Variants in GCNT2 observed in about 807,000 individuals in gnomAD.
GCNT2 encodes the protein glucosaminyl (N-acetyl) transferase 2 (I blood group).
In GCNT2, 34 loss-of-function variants were observed where a neutral mutation model predicts 34.2. That is an observed-to-expected ratio of 1.00 (90% confidence interval 0.76 to 1.32). GCNT2 has a LOEUF of 1.32. GCNT2 is among the 40% of genes most tolerant of loss of function. The probability of loss-of-function intolerance (pLI) is 0.00; values close to 1 mark genes in which losing one functional copy is unlikely to be tolerated. For missense variants in GCNT2, 584 were observed against 489.4 expected (o/e 1.19, Z -1.82); for synonymous variants, 212 against 188.0 (o/e 1.13, Z -1.04).
chr6:10,585,070 TG>T lies in GCNT2; in HGVS notation c.926-36280del, dbSNP rs1561818528. On this transcript the variant is annotated intron_variant, in intron 3 of 4. Transcript: ENST00000495262. ...GTGTGTGTGTGTGTGTGTGTGTGTG[TG>T]TGTGTGTGCGCGCTATATTCTGACA... 4.5e-3 allele frequency among the ~76,000 whole-genome samples: 458 copies of T among 101,404 alleles called. 4 individuals are homozygous for T. The highest frequency in any genetic ancestry group is 0.023 in the African/African-American group (442 of 19,072). The allele number at this position is 101,404 out of a possible 152,430, so 66.5% of individuals were successfully genotyped here. A position where few individuals can be genotyped will look rare whatever the true frequency, so the allele number is the denominator to read the frequency against.
chr6:10,613,192 A>T (rs1396637923), intron 3 of GCNT2, among the ~76,000 whole-genome samples: 1 of 152,238 alleles, frequency 6.6e-6, no homozygotes, highest in Non-Finnish European at 1.5e-5. Context: ...ATATAAATAA[A>T]GCTTGCATTT....
chr6:10,529,914 T>A, intron 3 of GCNT2, 78 bp downstream of exon 3: 2 of 1,142,760 alleles, frequency 1.8e-6, no homozygotes, highest in Non-Finnish European at 2.6e-6. Flanking sequence ...TTGAAAAGAG[T>A]GGAAAAAATG....
intron 3 of GCNT2, among the ~76,000 whole-genome samples, chr6:10,569,034 C>T (rs1193835339): frequency 6.6e-6 from 1 of 151,882 alleles, no homozygotes; most frequent in Non-Finnish European, 1.5e-5. Flanking sequence ...ATCGTATTAC[C>T]GCGACTAGAC....
At position 10,586,273 on chromosome 6, in the gene GCNT2, TC is replaced by T. The variant is rs1173175884; in HGVS notation, c.926-35075del. 1.9e-6 allele frequency: 3 copies of T among 1,614,078 alleles called. No individual in the cohort carries two copies. In the African/African-American group the frequency reaches 4.0e-5, roughly 22 times the overall value. On this transcript the variant is annotated intron_variant, in intron 3 of 4. Coordinates refer to ENST00000495262, the MANE Select transcript of GCNT2 (RefSeq NM_145649.5). ...CCCCTGTCGGAAGAAGAGGCTGCATTCCCTTTGGCCTATGTCATGGTCATCC... is the reference window on the plus strand; with the variant it reads ...CCCCTGTCGGAAGAAGAGGCTGCATTCCTTTGGCCTATGTCATGGTCATCC...
intron 3 of GCNT2, among the ~76,000 whole-genome samples, chr6:10,569,909 TTTCC>T (rs1004145521): frequency 1.3e-5 from 2 of 149,278 alleles, no homozygotes; most frequent in African/African-American, 5.0e-5. Context: ...TTCCTTCCTT[TTTCC>T]TTCCTTCCTT....
intron 3 of GCNT2, among the ~76,000 whole-genome samples, chr6:10,592,438 A>G (rs1764690814): frequency 1.3e-5 from 2 of 152,194 alleles, no homozygotes; most frequent in African/African-American, 4.8e-5. Context: ...ATTTTAATTT[A>G]CAATGTATCC....
At chr6:10,620,697 T>C (rs959253622) in intron 3 of GCNT2, among the ~76,000 whole-genome samples, 3 of 152,218 alleles carry the variant, frequency 2.0e-5, no homozygotes, top group Non-Finnish European at 4.4e-5. Flanking sequence ...TCTCTAGTAA[T>C]GATTTATATA....
chr6:10,576,590 G>T (rs1298465230), intron 3 of GCNT2, among the ~76,000 whole-genome samples: 2 of 152,126 alleles, frequency 1.3e-5, no homozygotes, highest in Non-Finnish European at 1.5e-5. Context: ...TTTGAGAGTG[G>T]AATGGAAAGA....
intron 3 of GCNT2, among the ~76,000 whole-genome samples, chr6:10,592,558 G>A (rs1488774391): frequency 6.6e-6 from 1 of 152,102 alleles, no homozygotes; most frequent in Non-Finnish European, 1.5e-5. Context: ...TTATGCTGAC[G>A]CTATAGCCAT....
chr6:10,567,794 C>T (rs994018943), intron 3 of GCNT2, among the ~76,000 whole-genome samples: 6 of 152,186 alleles, frequency 3.9e-5, no homozygotes, highest in African/African-American at 1.4e-4. Context: ...AGAGAATTAT[C>T]AAAGACGGAA....
intron 3 of GCNT2, chr6:10,555,953 G>T (rs552905125): frequency 1.9e-6 from 2 of 1,027,956 alleles, no homozygotes; most frequent in African/African-American, 1.7e-5. Context: ...CCTGCTAGGG[G>T]ACTAGCAGGA....
At chr6:10,624,476 G>T (rs1766177685) in intron 4 of GCNT2, among the ~76,000 whole-genome samples, 1 of 152,028 alleles carries the variant, frequency 6.6e-6, no homozygotes, top group Admixed American at 6.6e-5. Flanking sequence ...GGGGGAAACT[G>T]CCCCCCACGA....
At chr6:10,611,550 C>T (rs934600562) in intron 3 of GCNT2, among the ~76,000 whole-genome samples, 3 of 151,906 alleles carry the variant, frequency 2.0e-5, no homozygotes, top group South Asian at 4.1e-4. Flanking sequence ...AGGATGGTCT[C>T]GATCTCTTGA....
At chr6:10,569,275 C>CACACACACACACACACACACACACT (rs1491437125) in intron 3 of GCNT2, among the ~76,000 whole-genome samples, 1 of 101,332 alleles carries the variant, frequency 9.9e-6, no homozygotes, top group Admixed American at 1.1e-4. Context: ...ACACACACAC[C>CACACACACACACACACACACACACT]CCCTAGGTAA....
chr6:10,528,648 G>C lies in GCNT2; in HGVS notation c.-264G>C. Reference sequence around the variant, plus strand: ...TTGTGTAGACACAGGTTGCAGGTTAGCAGGAGAACAGGCAAGCCAAATGCA... The same window carrying C: ...TTGTGTAGACACAGGTTGCAGGTTACCAGGAGAACAGGCAAGCCAAATGCA... On this transcript the variant is annotated 5_prime_UTR_variant, in exon 3 of 5. Transcript: ENST00000495262. The C allele has an allele frequency of 7.6e-6, 4 of 527,862 alleles. No homozygotes were observed. Among genetic ancestry groups the C allele is most frequent in the Non-Finnish European group, 1.4e-5 (4 of 293,296 alleles). The allele number at this position is 527,862 out of a possible 1,614,324, so 32.7% of individuals were successfully genotyped here.
chr6:10,597,562 T>C (rs1271775556), intron 3 of GCNT2, among the ~76,000 whole-genome samples: 2 of 152,128 alleles, frequency 1.3e-5, no homozygotes, highest in Non-Finnish European at 2.9e-5. Context: ...TTCAAAGATA[T>C]TTGTAAAAGG....
chr6:10,572,855 A>C (rs750394261), intron 3 of GCNT2, among the ~76,000 whole-genome samples: 3 of 152,274 alleles, frequency 2.0e-5, no homozygotes, highest in Non-Finnish European at 2.9e-5. Context: ...GTTAGGTACA[A>C]ACACAGGATG....
intron 3 of GCNT2, among the ~76,000 whole-genome samples, chr6:10,581,331 C>T (rs1222937675): frequency 6.6e-6 from 1 of 152,010 alleles, no homozygotes; most frequent in African/African-American, 2.4e-5. Flanking sequence ...AGTGCAATGG[C>T]GTGATCTGGG....
At chr6:10,581,451 G>A (rs1373363183) in intron 3 of GCNT2, among the ~76,000 whole-genome samples, 1 of 151,924 alleles carries the variant, frequency 6.6e-6, no homozygotes, top group African/African-American at 2.4e-5. Flanking sequence ...TGTATTTTTA[G>A]TAGAGACAGG....
Sources: allele counts gnomAD v4.1 joint callset (sites outside exome capture counted in the v4.1 genomes callset), GRCh38; gene constraint gnomAD v4.1.1; transcripts MANE v1.5; gene names NCBI Gene and HGNC (gene_info 2026-07-23, HGNC 2026-07-21).